Variants in CSMD3 observed in about 807,000 individuals in gnomAD.
CSMD3 encodes CUB and sushi domain-containing protein 3.
Under a neutral mutation model 435.2 loss-of-function variants are expected in CSMD3, and 177 were observed. The ratio of observed to expected loss-of-function variants is 0.41; its 90% CI spans 0.36 to 0.46. The LOEUF is 0.46. Among genes scored for constraint, CSMD3 ranks in the 20% least tolerant of loss-of-function variants. The pLI, the probability that CSMD3 is intolerant of heterozygous loss-of-function variation, is 0.34. For missense variants in CSMD3, 4,265 were observed against 4,504.6 expected, an observed-to-expected ratio of 0.95 and a Z score of 1.52; for synonymous variants, 1,656 against 1,520.5, an observed-to-expected ratio of 1.09 and a Z score of -2.07.
At chr8:112,327,637 T>C (rs1382824699) in intron 45 of CSMD3, among the ~76,000 whole-genome samples, 1 of 152,186 alleles carries the variant, frequency 6.6e-6, no homozygotes, top group African/African-American at 2.4e-5. Flanking sequence ...GTGTTCTTTT[T>C]AGAAGAATCA....
chr8:112,270,892 A>T (rs1817475899), intron 59 of CSMD3, among the ~76,000 whole-genome samples: 1 of 152,140 alleles, frequency 6.6e-6, no homozygotes, highest in Non-Finnish European at 1.5e-5. Flanking sequence ...TCCAAATAAA[A>T]TTGAAGTCTT....
At chr8:112,551,092 A>G (rs1827642227) in intron 26 of CSMD3, among the ~76,000 whole-genome samples, 1 of 152,060 alleles carries the variant, frequency 6.6e-6, no homozygotes, top group East Asian at 1.9e-4. Flanking sequence ...TCACCTTTGC[A>G]AATTGTAGAA....
At position 112,629,376 on chromosome 8, in the gene CSMD3, T is replaced by C. The variant is rs547641439; in HGVS notation, c.3715+7441A>G. On this transcript the variant is annotated intron_variant, in intron 22 of 70. Coordinates refer to ENST00000297405, the MANE Select transcript of CSMD3 (RefSeq NM_198123.2). ...ACCACAATGCCTAGATAATTTTTTA[T>C]AGAGAAGGGGTCTCATTATTTTGCT... Among the ~76,000 whole-genome samples the C allele has an allele frequency of 8.8e-4, 134 of 152,146 alleles. 1 individual carries two copies. The highest frequency in any genetic ancestry group is 3.1e-3 in the African/African-American group (130 of 41,536).
chr8:113,279,930 AATTTTG>A (rs926446192), intron 2 of CSMD3, among the ~76,000 whole-genome samples: 6 of 150,446 alleles, frequency 4.0e-5, no homozygotes, highest in African/African-American at 1.5e-4. Flanking sequence ...TGATCACGTG[AATTTTG>A]TTTTTAATTC....
intron 39 of CSMD3, among the ~76,000 whole-genome samples, chr8:112,351,793 T>C: frequency 6.6e-6 from 1 of 152,012 alleles, no homozygotes; most frequent in East Asian, 1.9e-4. Flanking sequence ...CTGAAGAATT[T>C]ATTTATCTAA....
At chr8:113,026,604 C>T (rs147792106) in intron 5 of CSMD3, among the ~76,000 whole-genome samples, 210 of 152,218 alleles carry the variant, frequency 1.4e-3, no homozygotes, top group African/African-American at 4.9e-3. Flanking sequence ...ATGATTGATG[C>T]ATAGTGAGTG....
intron 24 of CSMD3, among the ~76,000 whole-genome samples, chr8:112,567,637 G>C (rs926425170): frequency 6.6e-6 from 1 of 152,154 alleles, no homozygotes; most frequent in Non-Finnish European, 1.5e-5. Flanking sequence ...TTTAGAGAGA[G>C]AGTAAAATAC....
chr8:112,825,829 T>G (rs231290), intron 12 of CSMD3, among the ~76,000 whole-genome samples: 123,561 of 152,194 alleles, frequency 0.81, 50,391 homozygotes, highest in African/African-American at 0.88. Flanking sequence ...TAGGGAACAG[T>G]TCCTGTTTAA....
intron 1 of CSMD3, among the ~76,000 whole-genome samples, chr8:113,368,383 T>A (rs10091328): frequency 0.021 from 3,216 of 152,242 alleles, 129 homozygotes; most frequent in African/African-American, 0.074. Context: ...GACTTATCAC[T>A]GGTCTTCAGT....
At chr8:112,740,010 C>T (rs2132049149) in intron 13 of CSMD3, among the ~76,000 whole-genome samples, 1 of 151,760 alleles carries the variant, frequency 6.6e-6, no homozygotes, top group Admixed American at 6.6e-5. Flanking sequence ...AGTATTCTTG[C>T]TAATGCTGAT....
intron 4 of CSMD3, among the ~76,000 whole-genome samples, chr8:113,119,356 C>A: frequency 6.6e-6 from 1 of 152,188 alleles, no homozygotes; most frequent in Non-Finnish European, 1.5e-5. Context: ...GAAACAATTA[C>A]TTTTCCTATT....
chr8:112,501,475 G>A (rs1264955359), intron 30 of CSMD3, among the ~76,000 whole-genome samples: 3 of 151,564 alleles, frequency 2.0e-5, no homozygotes, highest in Admixed American at 6.6e-5. Context: ...AAGGGAAAAG[G>A]CAATAAAAAT....
At chr8:112,417,909 T>C (rs907547212) in intron 32 of CSMD3, among the ~76,000 whole-genome samples, 6 of 152,180 alleles carry the variant, frequency 3.9e-5, no homozygotes, top group African/African-American at 1.2e-4. Context: ...ATTAGATCTA[T>C]GTTTGATTCT....
intron 31 of CSMD3, among the ~76,000 whole-genome samples, chr8:112,490,518 A>T (rs966750561): frequency 6.6e-6 from 1 of 152,140 alleles, no homozygotes; most frequent in African/African-American, 2.4e-5. Context: ...GTGAAAGCAT[A>T]CTTTAGTCTA....
intron 22 of CSMD3, among the ~76,000 whole-genome samples, chr8:112,634,071 T>A: frequency 6.6e-6 from 1 of 152,014 alleles, no homozygotes; most frequent in South Asian, 2.1e-4. Flanking sequence ...AATGATTTTT[T>A]AAACAAGTAT....
chr8:113,331,393 T>C (rs1173913769), intron 1 of CSMD3, among the ~76,000 whole-genome samples: 1 of 151,646 alleles, frequency 6.6e-6, no homozygotes, highest in Non-Finnish European at 1.5e-5. Context: ...TCACAAACTC[T>C]TTCACAAAAT....
At chr8:112,256,664 T>C (rs182934610) in intron 61 of CSMD3, among the ~76,000 whole-genome samples, 2 of 152,308 alleles carry the variant, frequency 1.3e-5, no homozygotes. Flanking sequence ...AATGTTTTTA[T>C]TGTGGCAAAG....
chr8:112,621,599 C>T (rs1834076283), intron 22 of CSMD3, among the ~76,000 whole-genome samples: 1 of 152,154 alleles, frequency 6.6e-6, no homozygotes, highest in South Asian at 2.1e-4. Flanking sequence ...ATTTTAGCAG[C>T]ATTTGTGGAA....
chr8:112,310,102 A>G (rs1193389681), intron 50 of CSMD3: 1 of 152,246 alleles, frequency 6.6e-6, no homozygotes. Flanking sequence ...TAAAATTTTC[A>G]AAGTCCAATG....
Sources: allele counts gnomAD v4.1 joint callset (sites outside exome capture counted in the v4.1 genomes callset), GRCh38; gene constraint gnomAD v4.1.1; transcripts MANE v1.5; gene names NCBI Gene and HGNC (gene_info 2026-07-23, HGNC 2026-07-21).